The following TAF1A variants were observed in gnomAD, a reference collection of about 807,000 sequenced individuals.
TAF1A encodes TATA-box binding protein associated factor, RNA polymerase I subunit A, also known as TATA box-binding protein-associated factor RNA polymerase I subunit A.
In TAF1A, 42 loss-of-function variants were observed where a neutral mutation model predicts 61.6. The observed-to-expected ratio is 0.68, with a 90% CI of 0.53 to 0.88. The LOEUF (loss-of-function observed/expected upper bound fraction) is 0.88, where lower values mean the gene tolerates loss of function less well. Ranked by LOEUF, TAF1A falls within the 40% of genes least tolerant of loss-of-function variation. TAF1A has a pLI of 0.00. For missense variants in TAF1A, 424 were observed against 518.7 expected (o/e 0.82, Z 1.77); for synonymous variants, 179 against 177.7 (o/e 1.01, Z -0.06).
At chr1:222,571,431 A>C (rs544348670) in intron 5 of TAF1A, among the ~76,000 whole-genome samples, 4 of 152,280 alleles carry the variant, frequency 2.6e-5, no homozygotes, top group African/African-American at 9.6e-5. Flanking sequence ...GGAAAGGAAG[A>C]AGTAAAACTA....
At chr1:222,556,905 T>C (rs1324473707), downstream of TAF1A, among the ~76,000 whole-genome samples, 1 of 152,234 alleles carries the variant, frequency 6.6e-6, no homozygotes, top group Non-Finnish European at 1.5e-5. Context: ...ATTGGTCTTA[T>C]ACAGAACTCC....
At position 222,570,466 on chromosome 1, in the gene TAF1A, T is replaced by C. The variant is rs114230191; in HGVS notation, c.735+69A>G. 7.7e-4 allele frequency: 1,059 copies of C among 1,374,000 alleles called. 10 individuals are homozygous for C. In the African/African-American group the frequency reaches 0.011, roughly 15 times the overall value. The allele number at this position is 1,374,000 out of a possible 1,614,324, so 85.1% of individuals were successfully genotyped here. On this transcript the variant is annotated intron_variant, in intron 6 of 10. Coordinates refer to ENST00000352967, the MANE Select transcript of TAF1A (RefSeq NM_005681.4). Reference sequence around the variant, plus strand: ...TAGTTTCTTTCTGATCAATAAAGATTAGGCATGCAGTCTTTGTATAGGCTT... The same window carrying C: ...TAGTTTCTTTCTGATCAATAAAGATCAGGCATGCAGTCTTTGTATAGGCTT...
chr1:222,585,606 C>T (rs1305191331), intron 2 of TAF1A, among the ~76,000 whole-genome samples: 3 of 152,172 alleles, frequency 2.0e-5, no homozygotes, highest in Non-Finnish European at 4.4e-5. Context: ...GCCACCACAC[C>T]TGGCCAACAA....
At chr1:222,571,785 T>C (rs981542530) in intron 5 of TAF1A, among the ~76,000 whole-genome samples, 1 of 152,220 alleles carries the variant, frequency 6.6e-6, no homozygotes, top group African/African-American at 2.4e-5. Context: ...GTCAAATTGA[T>C]CTACAGATAC....
chr1:222,562,307 T>C (rs1184109246), intron 9 of TAF1A, among the ~76,000 whole-genome samples: 1 of 152,222 alleles, frequency 6.6e-6, no homozygotes. Context: ...TATAATTTAA[T>C]TGAGCAAATG....
At position 222,563,247 on chromosome 1, in the gene TAF1A, T is replaced by C. The variant is rs777852682; in HGVS notation, c.1011A>G (p.Leu337=). The C allele has an allele frequency of 1.2e-6, 2 of 1,613,082 alleles. No homozygotes were observed. The highest frequency in any genetic ancestry group is 3.3e-5 in the Admixed American group (2 of 59,768). ...TATTCTTAGTGCATCCGGCAAAATC[T>C]AAGACTCCAAATAATACCTCCAACC... ...KLGLEVLFGV[L]DFAGCTKNIT... The change falls in exon 9 of 11, where the codon TTA becomes TTG. Residue 337 remains leucine, a synonymous_variant. Transcript: ENST00000352967.
At chr1:222,555,066 G>A (rs139195649), downstream of TAF1A, among the ~76,000 whole-genome samples, 363 of 152,214 alleles carry the variant, frequency 2.4e-3, 5 homozygotes, top group African/African-American at 7.8e-3. Flanking sequence ...CTCCAGTCAC[G>A]ACGGAAATGC....
downstream of TAF1A, among the ~76,000 whole-genome samples, chr1:222,555,722 C>A (rs1659717152): frequency 6.6e-6 from 1 of 152,114 alleles, no homozygotes; most frequent in Non-Finnish European, 1.5e-5. Context: ...CACATACATA[C>A]ACAATACATA....
chr1:222,563,337 A>G, intron 8 of TAF1A, 41 bp from the exon 9 acceptor site: 1 of 1,594,770 alleles, frequency 6.3e-7, no homozygotes, highest in South Asian at 1.1e-5. Flanking sequence ...TAAGGTATTA[A>G]AGTGTACAAA....
intron 5 of TAF1A, among the ~76,000 whole-genome samples, chr1:222,572,639 C>T (rs928620730): frequency 2.0e-5 from 3 of 152,184 alleles, no homozygotes; most frequent in Middle Eastern, 3.2e-3. Flanking sequence ...GGATTACAGG[C>T]ATGGCCACTG....
intron 5 of TAF1A, among the ~76,000 whole-genome samples, chr1:222,575,686 T>C (rs1253399791): frequency 1.3e-5 from 2 of 152,194 alleles, no homozygotes; most frequent in Non-Finnish European, 2.9e-5. Flanking sequence ...TAAGTGCCCA[T>C]GAGTTTGGTT....
At chr1:222,584,411 C>T (rs1485798521) in intron 2 of TAF1A, 114 bp from the exon 3 acceptor site, 2 of 898,408 alleles carry the variant, frequency 2.2e-6, no homozygotes, top group African/African-American at 3.4e-5. Context: ...TTACTTGACC[C>T]AGCCCATTCC....
intron 7 of TAF1A, among the ~76,000 whole-genome samples, chr1:222,568,673 C>G (rs764780030): frequency 6.6e-6 from 1 of 152,088 alleles, no homozygotes; most frequent in Non-Finnish European, 1.5e-5. Context: ...ACAGTCACTT[C>G]AAAAAACAGC....
At chr1:222,566,442 A>T (rs1394074470) in intron 7 of TAF1A, among the ~76,000 whole-genome samples, 2 of 152,196 alleles carry the variant, frequency 1.3e-5, no homozygotes, top group Non-Finnish European at 2.9e-5. Flanking sequence ...TTATTACATT[A>T]TAATATATAA....
rs575248039 is a variant in TAF1A, at chr1:222,561,583, A to G, written c.1086-65T>C. The G allele has an allele frequency of 1.8e-5, 26 of 1,428,362 alleles. No homozygotes were observed. The East Asian group carries it at 5.9e-4, about 32-fold the overall frequency. 88.5% of individuals were successfully genotyped at this position (1,428,362 alleles called of 1,614,324 possible). A position where few individuals can be genotyped will look rare whatever the true frequency, so the allele number is the denominator to read the frequency against. On this transcript the variant is annotated intron_variant, in intron 9 of 10. Coordinates refer to ENST00000352967, the MANE Select transcript of TAF1A (RefSeq NM_005681.4). ...AAACAAATCTATATTATCAGAATTT[A>G]GACTTAACTAGAGTCTACAGAAAGA...
intron 5 of TAF1A, 58 bp from the exon 6 acceptor site, chr1:222,570,723 T>G: frequency 6.8e-7 from 1 of 1,471,740 alleles, no homozygotes; most frequent in Non-Finnish European, 9.1e-7. Context: ...CTCTGTTAAA[T>G]TAGTAATTTA....
intron 9 of TAF1A, among the ~76,000 whole-genome samples, chr1:222,561,941 T>C (rs902413909): frequency 6.6e-6 from 1 of 152,162 alleles, no homozygotes; most frequent in Non-Finnish European, 1.5e-5. Context: ...GTACAGCAGG[T>C]CTCATATAAA....
At chr1:222,585,455 T>TA (rs199512248) in intron 2 of TAF1A, among the ~76,000 whole-genome samples, 20,210 of 137,450 alleles carry the variant, frequency 0.15, 1,548 homozygotes, top group Middle Eastern at 0.19. Context: ...ATAACTTTAT[T>TA]AAAAAAAAAA....
chr1:222,584,037 T>C (rs1660911586), intron 3 of TAF1A, 91 bp downstream of exon 3: 3 of 1,449,676 alleles, frequency 2.1e-6, no homozygotes, highest in Admixed American at 2.3e-5. Flanking sequence ...GCAAAATCAC[T>C]GAGATTCTGT....
Sources: allele counts gnomAD v4.1 joint callset (sites outside exome capture counted in the v4.1 genomes callset), GRCh38; gene constraint gnomAD v4.1.1; transcripts MANE v1.5; gene names NCBI Gene and HGNC (gene_info 2026-07-23, HGNC 2026-07-21).